Variants in RYR3 observed in about 807,000 individuals in gnomAD.
RYR3 encodes ryanodine receptor 3, also known as brain ryanodine receptor-calcium release channel.
A neutral mutation model predicts 584.3 loss-of-function variants in RYR3; 207 were observed. That is an observed-to-expected ratio of 0.35 (90% CI 0.32 to 0.40). The LOEUF (loss-of-function observed/expected upper bound fraction) is 0.40, where lower values mean the gene tolerates loss of function less well. Ranked by LOEUF, RYR3 falls within the 10% of genes least tolerant of loss-of-function variation. The pLI is 1.00. For missense variants in RYR3, 5,616 were observed against 6,089.2 expected, an observed-to-expected ratio of 0.92 and a Z score of 2.59; for synonymous variants, 2,416 against 2,248.5, an observed-to-expected ratio of 1.07 and a Z score of -2.11.
chr15:33,812,408 A>G (rs547752082), intron 72 of RYR3, among the ~76,000 whole-genome samples: 1 of 152,212 alleles, frequency 6.6e-6, no homozygotes, highest in African/African-American at 2.4e-5. Context: ...ATTTAAAGAG[A>G]TATAAAGGAA....
chr15:33,435,349 T>C (rs2045583371), intron 1 of RYR3, among the ~76,000 whole-genome samples: 1 of 152,214 alleles, frequency 6.6e-6, no homozygotes, highest in Non-Finnish European at 1.5e-5. Flanking sequence ...GAGTTTCACG[T>C]ATAGTGATAT....
intron 1 of RYR3, among the ~76,000 whole-genome samples, chr15:33,320,119 CA>C (rs1280157302): frequency 2.0e-5 from 3 of 152,148 alleles, no homozygotes; most frequent in Admixed American, 1.3e-4. Context: ...ATAAGCACTC[CA>C]AATCTGTTTG....
At chr15:33,673,028 T>C (rs1487602834) in intron 38 of RYR3, among the ~76,000 whole-genome samples, 1 of 152,238 alleles carries the variant, frequency 6.6e-6, no homozygotes, top group Non-Finnish European at 1.5e-5. Flanking sequence ...TGTCTCTTTG[T>C]ATTGTGCTGT....
At chr15:33,492,326 ATATT>A (rs2051032851) in intron 2 of RYR3, among the ~76,000 whole-genome samples, 1 of 152,128 alleles carries the variant, frequency 6.6e-6, no homozygotes, top group African/African-American at 2.4e-5. Context: ...TTGGAGAAAA[ATATT>A]TATAACATTT....
intron 16 of RYR3, among the ~76,000 whole-genome samples, chr15:33,590,791 A>G (rs2059094132): frequency 6.6e-6 from 1 of 152,168 alleles, no homozygotes; most frequent in Non-Finnish European, 1.5e-5. Context: ...ATATAATTTT[A>G]CATCTCATAG....
intron 1 of RYR3, among the ~76,000 whole-genome samples, chr15:33,464,479 TATATATATATACAC>T (rs2048304137): frequency 1.1e-5 from 1 of 88,130 alleles, no homozygotes; most frequent in Non-Finnish European, 2.1e-5. Context: ...TATATATATA[TATATATATATACAC>T]ATATATATAT....
At chr15:33,591,296 A>G (rs185603988) in intron 16 of RYR3, among the ~76,000 whole-genome samples, 24 of 152,310 alleles carry the variant, frequency 1.6e-4, no homozygotes, top group African/African-American at 5.8e-4. Flanking sequence ...CTCTGCTGTA[A>G]TAATTGTTCC....
At chr15:33,557,055 A>G (rs560822473) in intron 10 of RYR3, among the ~76,000 whole-genome samples, 1 of 152,206 alleles carries the variant, frequency 6.6e-6, no homozygotes, top group Non-Finnish European at 1.5e-5. Flanking sequence ...GCTACTGGTA[A>G]TGGTAACCAT....
intron 24 of RYR3, among the ~76,000 whole-genome samples, chr15:33,634,236 G>A (rs1300308736): frequency 1.3e-5 from 2 of 151,894 alleles, no homozygotes; most frequent in African/African-American, 4.8e-5. Context: ...ATTTTTCATA[G>A]AGATGCGGTT....
At chr15:33,355,662 C>A (rs1567084144) in intron 1 of RYR3, among the ~76,000 whole-genome samples, 1 of 152,116 alleles carries the variant, frequency 6.6e-6, no homozygotes, top group African/African-American at 2.4e-5. Flanking sequence ...TGTCTAAAAC[C>A]TTCCAGGCTG....
chr15:33,668,303 C>A (rs566797403), intron 36 of RYR3, among the ~76,000 whole-genome samples: 1 of 151,888 alleles, frequency 6.6e-6, no homozygotes, highest in Non-Finnish European at 1.5e-5. Context: ...GGCAACAGAG[C>A]GAGACTCTGT....
chr15:33,393,829 T>C (rs962639718), intron 1 of RYR3, among the ~76,000 whole-genome samples: 1 of 152,168 alleles, frequency 6.6e-6, no homozygotes, highest in African/African-American at 2.4e-5. Context: ...TCTGATCTAC[T>C]TCAGGGACAG....
chr15:33,764,514 C>T (rs2072827348), intron 60 of RYR3, among the ~76,000 whole-genome samples: 1 of 151,068 alleles, frequency 6.6e-6, no homozygotes, highest in Admixed American at 6.6e-5. Flanking sequence ...TACCATGGCG[C>T]GTGTATACCT....
intron 1 of RYR3, among the ~76,000 whole-genome samples, chr15:33,404,524 G>A (rs531838052): frequency 2.0e-3 from 299 of 151,356 alleles, no homozygotes; most frequent in Middle Eastern, 0.01. Flanking sequence ...AATCCAACTA[G>A]CATATCAATA....
At chr15:33,704,959 G>A (rs944372814) in intron 42 of RYR3, among the ~76,000 whole-genome samples, 1 of 152,146 alleles carries the variant, frequency 6.6e-6, no homozygotes, top group African/African-American at 2.4e-5. Flanking sequence ...TTGGTTCACA[G>A]GAAAGAACAG....
intron 1 of RYR3, among the ~76,000 whole-genome samples, chr15:33,402,921 G>A (rs1414215245): frequency 6.6e-6 from 1 of 152,238 alleles, no homozygotes; most frequent in Non-Finnish European, 1.5e-5. Context: ...GACCACAGCT[G>A]GATGTGGATG....
intron 69 of RYR3, among the ~76,000 whole-genome samples, chr15:33,805,056 A>G (rs1047136228): frequency 6.6e-6 from 1 of 152,234 alleles, no homozygotes; most frequent in African/African-American, 2.4e-5. Flanking sequence ...GTGAGAGCTC[A>G]TTGTATATTT....
At position 33,662,778 on chromosome 15, in the gene RYR3, A is replaced by C. The variant is rs759365540; in HGVS notation, c.5248A>C (p.Ile1750Leu). 2.9e-5 allele frequency: 46 copies of C among 1,613,850 alleles called. No homozygotes were observed. The highest frequency in any genetic ancestry group is 3.8e-5 in the Non-Finnish European group (45 of 1,179,924). Residue 1750 changes from isoleucine to leucine, a missense_variant, in exon 35 of 104, where the codon ATT (isoleucine) becomes CTT (leucine). Coordinates refer to ENST00000634891, the MANE Select transcript of RYR3 (RefSeq NM_001036.6). ...DDDVRQILLL[I>L]DPSVFGEHSA... Reference sequence around the variant, plus strand: ...TGATGTTCGGCAGATCCTCCTCCTGATTGATCCCTCTGTGTTTGGGGAGCA... The same window carrying C: ...TGATGTTCGGCAGATCCTCCTCCTGCTTGATCCCTCTGTGTTTGGGGAGCA...
chr15:33,494,672 A>G (rs558860855), intron 2 of RYR3, among the ~76,000 whole-genome samples: 4 of 152,124 alleles, frequency 2.6e-5, no homozygotes, highest in African/African-American at 9.6e-5. Flanking sequence ...AAAAAAGAAT[A>G]TTTTCCAGCT....
Sources: allele counts gnomAD v4.1 joint callset (sites outside exome capture counted in the v4.1 genomes callset), GRCh38; gene constraint gnomAD v4.1.1; transcripts MANE v1.5; gene names NCBI Gene and HGNC (gene_info 2026-07-23, HGNC 2026-07-21).